The following NEU4 variants were observed in gnomAD, a reference collection of about 807,000 sequenced individuals.
The protein encoded by NEU4 is neuraminidase 4.
NEU4 carries 7 observed loss-of-function variants against 9.9 expected under a neutral mutation model. The ratio of observed to expected loss-of-function variants is 0.71; its 90% CI spans 0.40 to 1.33. NEU4 has a LOEUF of 1.33. Among genes scored for constraint, NEU4 ranks in the 40% most tolerant of loss-of-function variants. The pLI is 0.01. For missense variants in NEU4, 717 were observed against 712.6 expected, an observed-to-expected ratio of 1.01 and a Z score of -0.07; for synonymous variants, 348 against 316.9, an observed-to-expected ratio of 1.10 and a Z score of -1.04.
In NEU4 at chr2:241,815,138, G is replaced by A. The variant is rs769461079; in HGVS notation, c.448G>A (p.Ala150Thr). 1.5e-5 allele frequency: 23 copies of A among 1,563,690 alleles called. 1 individual carries two copies. The highest frequency in any genetic ancestry group is 3.4e-4 in the Middle Eastern group (2 of 5,906). ...CCTCACCGAGGAGGCCATCGGTGGTGCCGTGCAGGGTAGGCGGGCAGGGTG... is the reference window on the plus strand; with the variant it reads ...CCTCACCGAGGAGGCCATCGGTGGTACCGTGCAGGGTAGGCGGGCAGGGTG... Reference protein sequence around the residue: ...RDLTEEAIGGAVQDWATFAVG... With the variant: ...RDLTEEAIGGTVQDWATFAVG... The change falls in exon 3 of 4, where the codon GCC becomes ACC. Residue 150 changes from alanine to threonine, a missense_variant. Physicochemically the swap from Ala to Thr is moderately conservative, Grantham distance 58 (BLOSUM62 0). Transcript: ENST00000407683.
At chr2:241,813,296 G>A (rs542036684) in intron 1 of NEU4, 37 of 1,030,966 alleles carry the variant, frequency 3.6e-5, no homozygotes, top group African/African-American at 1.9e-4. Flanking sequence ...CGTGGTGTCC[G>A]GCATCCGGCC....
rs1700113328 is a variant in NEU4, at chr2:241,811,460, T to TG, written c.-4+2188dup. The stretch of plus-strand genomic sequence containing the variant: ...AGCTCTGCAGCCTTCCCAAGGTGGC[T>TG]GGTGAGTCCCTGCCCTTTGCACCCC... On this transcript the variant is annotated intron_variant, in intron 1 of 3. Transcript: ENST00000407683. 5 of 1,569,476 alleles carry TG rather than the reference T, an allele frequency of 3.2e-6. No homozygotes were observed. The South Asian group carries it at 5.8e-5, about 18-fold the overall frequency.
chr2:241,814,552 G>T lies in NEU4; in HGVS notation c.68G>T (p.Arg23Leu). Reference protein sequence around the residue: ...FERERTGLTYRVPSLLPVPPG... With the variant: ...FERERTGLTYLVPSLLPVPPG... ...CGGGAGAGGACGGGCCTGACCTACC[G>T]CGTGCCCTCGCTGCTCCCCGTGCCC... The change falls in exon 2 of 4, where the codon CGC becomes CTC. Residue 23 changes from arginine (R) to leucine (L), a missense_variant. By Grantham distance (102) the Arg-to-Leu change is moderately radical. Transcript: ENST00000407683. The T allele has an allele frequency of 6.2e-7, 1 of 1,612,638 alleles. No homozygotes were observed. The highest frequency in any genetic ancestry group is 1.7e-5 in the Admixed American group (1 of 60,002).
intron 1 of NEU4, chr2:241,813,638 T>A: frequency 1.2e-6 from 1 of 807,582 alleles, no homozygotes; most frequent in Non-Finnish European, 1.9e-6. Flanking sequence ...CACTCGGCTT[T>A]GGAGCTTCTG....
At chr2:241,812,850 G>GCTGA (rs1368454958) in intron 1 of NEU4, among the ~76,000 whole-genome samples, 1 of 152,186 alleles carries the variant, frequency 6.6e-6, no homozygotes, top group East Asian at 1.9e-4. Flanking sequence ...TGCAGGGGGT[G>GCTGA]CTGACACCTG....
chr2:241,814,482 A>G lies in NEU4; in HGVS notation c.-3A>G, dbSNP rs1700233252. 1 of 1,610,590 alleles carries G rather than the reference A, an allele frequency of 6.2e-7. No homozygotes were observed. The highest frequency in any genetic ancestry group is 8.5e-7 in the Non-Finnish European group (1 of 1,178,344). On this transcript the variant is annotated splice_region_variant and 5_prime_UTR_variant, in exon 2 of 4. Coordinates refer to ENST00000407683, the MANE Select transcript of NEU4 (RefSeq NM_001167600.3). ...CCTGTGGCCCTGTACTGACCAGCAG[A>G]GCATGGGGGTCCCTCGTACCCCTTC... is the stretch of plus-strand genomic sequence containing the variant.
In NEU4 at chr2:241,816,922, C is replaced by G; in HGVS notation, c.1329C>G (p.Ala443=). Residue 443 remains alanine (A), a synonymous_variant, in exon 4 of 4, where the codon GCC becomes GCG. Transcript: ENST00000407683. ...LVFACLYESG[A]RTSYDEISFC... is the part of the protein sequence containing the mutation. ...TTGCCTGCCTGTACGAGAGCGGGGCCAGGACCTCCTATGATGAGATTTCCT... is the reference window on the plus strand; with the variant it reads ...TTGCCTGCCTGTACGAGAGCGGGGCGAGGACCTCCTATGATGAGATTTCCT... The G allele has an allele frequency of 6.2e-7, 1 of 1,612,918 alleles. No homozygotes were observed. Among genetic ancestry groups the G allele is most frequent in the East Asian group, 2.2e-5 (1 of 44,862 alleles).
Position 241,814,980 on chromosome 2 carries a change from C to T in NEU4, c.290C>T (p.Thr97Ile). 6.2e-7 allele frequency: 1 copy of T among 1,610,370 alleles called. No individual in the cohort carries two copies. The highest frequency in any genetic ancestry group is 8.5e-7 in the Non-Finnish European group (1 of 1,179,694). The change falls in exon 3 of 4, where the codon ACC (threonine) becomes ATC (isoleucine). Residue 97 changes from threonine (T) to isoleucine (I), a missense_variant. Physicochemically the swap from Thr to Ile is moderately conservative, Grantham distance 89. Coordinates refer to ENST00000407683, the MANE Select transcript of NEU4 (RefSeq NM_001167600.3). Reference sequence around the variant, plus strand: ...CCTGTGCACGATGCTGGCACGGGCACCGTCTTCCTCTTCTTCATCGCGGTG... The same window carrying T: ...CCTGTGCACGATGCTGGCACGGGCATCGTCTTCCTCTTCTTCATCGCGGTG... ...PCPVHDAGTG[T>I]VFLFFIAVLG...
chr2:241,811,231 C>T, intron 1 of NEU4: 1 of 1,248,122 alleles, frequency 8.0e-7, no homozygotes, highest in African/African-American at 1.5e-5. Context: ...CAGAGGGGAG[C>T]CTGTGCTGGT....
rs181377602 is a variant in NEU4 at position 241,816,802 on chromosome 2, G to T, written c.1209G>T (p.Pro403=). The stretch of plus-strand genomic sequence containing the variant: ...GCCTGAGCCAGTCCCCGCTGGACCC[G>T]CGCAGCTGGACAGAGCCCTGGGTGA... ...GIRLSQSPLD[P]RSWTEPWVIY... is the part of the protein sequence containing the mutation. Residue 403 remains proline (P), a synonymous_variant, in exon 4 of 4, where the codon CCG becomes CCT. Coordinates refer to ENST00000407683, the MANE Select transcript of NEU4 (RefSeq NM_001167600.3). The T allele has an allele frequency of 2.0e-4, 328 of 1,603,656 alleles. No individual in the cohort carries two copies. The highest frequency in any genetic ancestry group is 2.7e-4 in the Non-Finnish European group (319 of 1,176,104).
intron 1 of NEU4, chr2:241,809,566 C>A (rs557699666): frequency 3.3e-5 from 11 of 330,596 alleles, no homozygotes; most frequent in African/African-American, 2.0e-4. Flanking sequence ...GCTTTCACCC[C>A]ACGGGGACAG....
intron 2 of NEU4, 25 bp from the exon 3 acceptor site, chr2:241,814,867 C>T (rs1477800258): frequency 1.3e-6 from 2 of 1,593,688 alleles, no homozygotes; most frequent in Admixed American, 3.4e-5. Context: ...ACGTCCTGGT[C>T]AGCGGAACTT....
rs1700387112 is a variant in NEU4, at chr2:241,817,232, T to C, written c.*184T>C. On this transcript the variant is annotated 3_prime_UTR_variant, in exon 4 of 4. Coordinates refer to ENST00000407683, the MANE Select transcript of NEU4 (RefSeq NM_001167600.3). ...TAGGAAGGGGAGCAGCGGCTGGGAG[T>C]GAGCAGGGCAGGGTGGGGGCAGGGT... 1 of 368,764 alleles carries C rather than the reference T, an allele frequency of 2.7e-6. No homozygotes were observed. The highest frequency in any genetic ancestry group is 7.0e-5 in the East Asian group (1 of 14,282). 22.8% of individuals were successfully genotyped at this position (368,764 alleles called of 1,614,324 possible).
rs201840418 is a variant in NEU4, at chr2:241,817,074, C to A, written c.*26C>A. The stretch of plus-strand genomic sequence containing the variant: ...CAGGCCTTCTGGCCGTGCCCATGCC[C>A]CTTGGGTGCCTGGGGCAGAGGGGTG... On this transcript the variant is annotated 3_prime_UTR_variant, in exon 4 of 4. Transcript: ENST00000407683. 6.5e-7 allele frequency: 1 copy of A among 1,533,894 alleles called. No homozygotes were observed. The highest frequency in any genetic ancestry group is 8.7e-7 in the Non-Finnish European group (1 of 1,144,564).
At chr2:241,811,107 G>A (rs1324847203) in intron 1 of NEU4, 20 of 1,195,540 alleles carry the variant, frequency 1.7e-5, no homozygotes, top group Middle Eastern at 3.3e-4. Flanking sequence ...CAGCAGACCC[G>A]TGTCCCTCTG....
intron 3 of NEU4, 27 bp from the exon 4 acceptor site, chr2:241,816,024 C>T (rs1488888257): frequency 3.8e-6 from 6 of 1,562,012 alleles, no homozygotes; most frequent in Non-Finnish European, 5.2e-6. Context: ...CCAGCAGCCC[C>T]TCCCACCTCT....
At chr2:241,814,725 C>G in intron 2 of NEU4, 40 bp downstream of exon 2, 1 of 1,520,802 alleles carries the variant, frequency 6.6e-7, no homozygotes, top group Non-Finnish European at 8.8e-7. Flanking sequence ...GTGTAGTGGC[C>G]GGATCTGCTG....
Position 241,816,661 on chromosome 2 carries a change from T to A in NEU4, c.1068T>A (p.Asp356Glu), listed in dbSNP as rs1300906642. The A allele has an allele frequency of 6.5e-7, 1 of 1,529,722 alleles. No homozygotes were observed. The highest frequency in any genetic ancestry group is 8.8e-7 in the Non-Finnish European group (1 of 1,142,276). The allele number at this position is 1,529,722 out of a possible 1,614,324, so 94.8% of individuals were successfully genotyped here. Residue 356 changes from aspartate to glutamate, a missense_variant, in exon 4 of 4, where the codon GAT becomes GAA. Asp to Glu is a conservative substitution (Grantham distance 45). Coordinates refer to ENST00000407683, the MANE Select transcript of NEU4 (RefSeq NM_001167600.3). ...GCCCCAGGCCTGGGGTCAGTGGGGATGTGGGGTCCTGGACCCTGGCACTCC... is the reference window on the plus strand; with the variant it reads ...GCCCCAGGCCTGGGGTCAGTGGGGAAGTGGGGTCCTGGACCCTGGCACTCC... ...QPGPRPGVSG[D>E]VGSWTLALPM...
At position 241,814,951 on chromosome 2, in the gene NEU4, C is replaced by T. The variant is rs1700261220; in HGVS notation, c.261C>T (p.Pro87=). The change falls in exon 3 of 4, where the codon CCC becomes CCT. Residue 87 remains proline (P), a synonymous_variant. Coordinates refer to ENST00000407683, the MANE Select transcript of NEU4 (RefSeq NM_001167600.3). Reference sequence around the variant, plus strand: ...TGGCGGAGCACCGGTCCATGAACCCCTGCCCTGTGCACGATGCTGGCACGG... The same window carrying T: ...TGGCGGAGCACCGGTCCATGAACCCTTGCCCTGTGCACGATGCTGGCACGG... ...AALAEHRSMN[P]CPVHDAGTGT... 1 of 1,611,898 alleles carries T rather than the reference C, an allele frequency of 6.2e-7. No homozygotes were observed. The highest frequency in any genetic ancestry group is 1.3e-5 in the African/African-American group (1 of 74,914).
Sources: gnomAD v4.1 joint callset for allele counts (sites outside exome capture counted in the v4.1 genomes callset) on GRCh38, gnomAD v4.1.1 for gene constraint, MANE v1.5 for transcripts, NCBI Gene and HGNC (gene_info 2026-07-23, HGNC 2026-07-21) for gene names.